TBC1D5: variants seen among roughly 807,000 people sequenced by gnomAD.
TBC1D5 encodes TBC1 domain family member 5.
In TBC1D5, 75 loss-of-function variants were observed where a neutral mutation model predicts 100.3. The ratio of observed to expected loss-of-function variants is 0.75; its 90% CI spans 0.62 to 0.91. The LOEUF is 0.91. Ranked by LOEUF, TBC1D5 falls within the 40% of genes least tolerant of loss-of-function variation. The pLI is 0.00. For synonymous variants in TBC1D5, 323 were observed against 325.6 expected, an observed-to-expected ratio of 0.99 and a Z score of 0.09; for missense variants, 910 against 942.4, an observed-to-expected ratio of 0.97 and a Z score of 0.45.
At chr3:17,257,289 T>C (rs922168550) in intron 16 of TBC1D5, among the ~76,000 whole-genome samples, 1 of 152,090 alleles carries the variant, frequency 6.6e-6, no homozygotes, top group Non-Finnish European at 1.5e-5. Flanking sequence ...ATATCTGACA[T>C]AATGGGAAGA....
intron 15 of TBC1D5, among the ~76,000 whole-genome samples, chr3:17,281,332 C>T (rs1044808913): frequency 6.6e-6 from 1 of 152,012 alleles, no homozygotes; most frequent in Non-Finnish European, 1.5e-5. Context: ...CAGAAAAAAA[C>T]AACTAAGTAA....
At chr3:17,625,943 G>GT (rs1560313239) in intron 1 of TBC1D5, among the ~76,000 whole-genome samples, 1 of 151,954 alleles carries the variant, frequency 6.6e-6, no homozygotes, top group African/African-American at 2.4e-5. Context: ...ATGAGTTTAC[G>GT]TATCACATAA....
At chr3:17,735,422 A>G (rs2076887127) in intron 1 of TBC1D5, among the ~76,000 whole-genome samples, 3 of 152,236 alleles carry the variant, frequency 2.0e-5, no homozygotes, top group South Asian at 2.1e-4. Context: ...TTAAAAAGGT[A>G]TATGAGGCTG....
rs1457187602 is a variant in TBC1D5, at chr3:17,216,624, T to C, written c.1589-2254A>G. ...CCTATGCTTATAAGGGCCTAGACTA[T>C]GAAAATTCCACCTAGGCCTTTATTT... On this transcript the variant is annotated intron_variant, in intron 17 of 21. Transcript: ENST00000253692. 2.6e-5 allele frequency among the ~76,000 whole-genome samples: 4 copies of C among 152,096 alleles called. No individual in the cohort carries two copies. The East Asian group carries it at 7.7e-4, about 29-fold the overall frequency.
At chr3:17,356,529 T>C (rs978101449) in intron 13 of TBC1D5, among the ~76,000 whole-genome samples, 1 of 152,240 alleles carries the variant, frequency 6.6e-6, no homozygotes, top group African/African-American at 2.4e-5. Context: ...ACAGTTCTAT[T>C]TTTAAAGAAC....
chr3:17,723,861 G>C (rs2153971290), intron 1 of TBC1D5, among the ~76,000 whole-genome samples: 1 of 151,988 alleles, frequency 6.6e-6, no homozygotes, highest in East Asian at 1.9e-4. Flanking sequence ...ACTGCACAGG[G>C]AGTGGGTACC....
chr3:17,543,158 T>C (rs892064365), intron 2 of TBC1D5, among the ~76,000 whole-genome samples: 1 of 151,578 alleles, frequency 6.6e-6, no homozygotes, highest in East Asian at 1.9e-4. Flanking sequence ...AAAGAAAGAA[T>C]AGAGAGAGAG....
At chr3:17,214,512 A>C (rs2073391149) in intron 17 of TBC1D5, 142 bp from the exon 19 acceptor site, 10 of 838,502 alleles carry the variant, frequency 1.2e-5, no homozygotes, top group African/African-American at 1.8e-5. Flanking sequence ...GAGTATTAAA[A>C]TGCATGCATT....
At chr3:17,674,653 C>G (rs1399897877) in intron 1 of TBC1D5, among the ~76,000 whole-genome samples, 1 of 152,076 alleles carries the variant, frequency 6.6e-6, no homozygotes, top group Non-Finnish European at 1.5e-5. Context: ...AAAGTTCATA[C>G]AATAACATAA....
intron 18 of TBC1D5, among the ~76,000 whole-genome samples, chr3:17,196,646 G>A (rs1297905604): frequency 2.0e-5 from 3 of 152,226 alleles, no homozygotes; most frequent in South Asian, 2.1e-4. Context: ...CGATGCACAC[G>A]TTGGTGTCGT....
chr3:17,353,580 T>C (rs1211803022), intron 13 of TBC1D5, among the ~76,000 whole-genome samples: 1 of 152,110 alleles, frequency 6.6e-6, no homozygotes, highest in Non-Finnish European at 1.5e-5. Flanking sequence ...AGTAACTATC[T>C]TGAAAAACCT....
intron 15 of TBC1D5, among the ~76,000 whole-genome samples, chr3:17,260,422 A>T (rs762667873): frequency 1.3e-5 from 2 of 152,244 alleles, no homozygotes; most frequent in Non-Finnish European, 2.9e-5. Context: ...TAAAGCCATT[A>T]TTAGGAATAA....
chr3:17,269,882 A>T (rs2079216555), intron 15 of TBC1D5, among the ~76,000 whole-genome samples: 1 of 152,006 alleles, frequency 6.6e-6, no homozygotes, highest in Non-Finnish European at 1.5e-5. Flanking sequence ...CATTTTCTTT[A>T]TCCAATCCAC....
chr3:17,277,272 C>T (rs554334906), intron 15 of TBC1D5, among the ~76,000 whole-genome samples: 26 of 152,260 alleles, frequency 1.7e-4, no homozygotes, highest in African/African-American at 6.0e-4. Flanking sequence ...ATGCTCTTTT[C>T]TTCTCACCTC....
intron 1 of TBC1D5, among the ~76,000 whole-genome samples, chr3:17,705,434 G>C (rs1295542414): frequency 1.4e-5 from 2 of 146,304 alleles, no homozygotes; most frequent in Non-Finnish European, 3.0e-5. Flanking sequence ...GGGCGGAGAG[G>C]CTCCTCACTT....
chr3:17,436,599 T>C (rs1003582119), intron 3 of TBC1D5, among the ~76,000 whole-genome samples: 1 of 152,132 alleles, frequency 6.6e-6, no homozygotes, highest in African/African-American at 2.4e-5. Context: ...ATATCCTTCC[T>C]GACAACGATC....
chr3:17,343,520 T>C (rs1385131219), intron 13 of TBC1D5, among the ~76,000 whole-genome samples: 1 of 140,138 alleles, frequency 7.1e-6, no homozygotes, highest in East Asian at 1.9e-4. Context: ...TTCTATTGAT[T>C]GGAATAGTTT....
chr3:17,670,890 G>A (rs1157154846), intron 1 of TBC1D5, among the ~76,000 whole-genome samples: 1 of 152,038 alleles, frequency 6.6e-6, no homozygotes, highest in Non-Finnish European at 1.5e-5. Context: ...TTTGATAATC[G>A]ACTAAACAAG....
chr3:17,354,202 T>C (rs2090959335), intron 13 of TBC1D5, among the ~76,000 whole-genome samples: 1 of 152,068 alleles, frequency 6.6e-6, no homozygotes. Flanking sequence ...GCCAACTACA[T>C]GTTTACTGCT....
Sources: gnomAD v4.1 joint callset for allele counts (sites outside exome capture counted in the v4.1 genomes callset) on GRCh38, gnomAD v4.1.1 for gene constraint, MANE v1.5 for transcripts, NCBI Gene and HGNC (gene_info 2026-07-23, HGNC 2026-07-21) for gene names.